DAP: variants seen among roughly 807,000 people sequenced by gnomAD.
DAP encodes death associated protein.
A neutral mutation model predicts 13.8 loss-of-function variants in DAP; 8 were observed. The ratio of observed to expected loss-of-function variants is 0.58; its 90% CI spans 0.34 to 1.05. The LOEUF is 1.05. DAP is among the 50% of genes least tolerant of loss of function. DAP has a pLI of 0.03. For missense variants in DAP, 106 were observed against 133.2 expected, an observed-to-expected ratio of 0.80 and a Z score of 1.01; for synonymous variants, 47 against 47.5, an observed-to-expected ratio of 0.99 and a Z score of 0.04.
chr5:10,732,901 T>A (rs1739500500), intron 2 of DAP, among the ~76,000 whole-genome samples: 1 of 152,214 alleles, frequency 6.6e-6, no homozygotes, highest in African/African-American at 2.4e-5. Context: ...GATCTCCAGA[T>A]CTTTGTCATC....
intron 2 of DAP, among the ~76,000 whole-genome samples, chr5:10,697,252 C>T (rs3797119): frequency 0.076 from 11,571 of 152,256 alleles, 645 homozygotes; most frequent in East Asian, 0.29. Context: ...GCCTGCTCAC[C>T]GTGCTTTATT....
chr5:10,756,462 G>A (rs1195359668), intron 1 of DAP, among the ~76,000 whole-genome samples: 1 of 152,246 alleles, frequency 6.6e-6, no homozygotes, highest in African/African-American at 2.4e-5. Flanking sequence ...CTTAACTCAT[G>A]TCTGACGTAT....
chr5:10,714,327 G>A (rs1738927630), intron 2 of DAP, among the ~76,000 whole-genome samples: 1 of 152,122 alleles, frequency 6.6e-6, no homozygotes, highest in Non-Finnish European at 1.5e-5. Context: ...TTCATCAATA[G>A]AAATCACAGA....
intron 2 of DAP, among the ~76,000 whole-genome samples, chr5:10,742,016 T>C (rs2930057): frequency 0.33 from 49,648 of 152,134 alleles, 9,029 homozygotes; most frequent in African/African-American, 0.49. Context: ...TATCGTGTTT[T>C]TCCTCAAACT....
intron 1 of DAP, among the ~76,000 whole-genome samples, chr5:10,752,890 A>G (rs891926480): frequency 8.5e-5 from 13 of 152,226 alleles, no homozygotes; most frequent in African/African-American, 2.9e-4. Flanking sequence ...AGCTAGTCTT[A>G]TTAAATGGGT....
chr5:10,748,192 C>T lies in DAP; in HGVS notation c.135G>A (p.Gln45=), dbSNP rs1466622427. 3 of 1,613,838 alleles carry T rather than the reference C, an allele frequency of 1.9e-6. No homozygotes were observed. ...CATCCCACCTGGGGCTTTCCCATTC[C>T]TGGTCATCCTTGTCTTTCTCTTCTT... ...DTKEEKDKDD[Q]EWESPSPPKP... Residue 45 remains glutamine (Q), a synonymous_variant, in exon 2 of 4, where the codon CAG becomes CAA. Transcript: ENST00000230895.
At chr5:10,749,233 A>C (rs1177671965) in intron 1 of DAP, among the ~76,000 whole-genome samples, 1 of 152,084 alleles carries the variant, frequency 6.6e-6, no homozygotes, top group Non-Finnish European at 1.5e-5. Context: ...CGTTGTTTCT[A>C]CTTTTTTGGC....
chr5:10,745,335 G>C (rs1739873176), intron 2 of DAP, among the ~76,000 whole-genome samples: 1 of 152,194 alleles, frequency 6.6e-6, no homozygotes, highest in Admixed American at 6.5e-5. Flanking sequence ...CCAAAGTCAA[G>C]AGGACAAGTG....
chr5:10,732,954 T>A (rs1199879197), intron 2 of DAP, among the ~76,000 whole-genome samples: 1 of 152,202 alleles, frequency 6.6e-6, no homozygotes, highest in Admixed American at 6.5e-5. Flanking sequence ...CTAATCCACA[T>A]TTCCCTTTCC....
intron 2 of DAP, among the ~76,000 whole-genome samples, chr5:10,718,564 A>G (rs894682426): frequency 6.6e-6 from 1 of 152,248 alleles, no homozygotes; most frequent in Admixed American, 6.5e-5. Context: ...GGTGACTCCC[A>G]TGACATCCCT....
At chr5:10,715,873 G>C (rs563874802) in intron 2 of DAP, among the ~76,000 whole-genome samples, 1 of 152,168 alleles carries the variant, frequency 6.6e-6, no homozygotes, top group African/African-American at 2.4e-5. Context: ...CTTGTCACAC[G>C]TAACAATTAA....
At chr5:10,736,582 C>T (rs1270790317) in intron 2 of DAP, among the ~76,000 whole-genome samples, 1 of 152,216 alleles carries the variant, frequency 6.6e-6, no homozygotes, top group Non-Finnish European at 1.5e-5. Context: ...TTTCTGCCGC[C>T]CAAGTTGCCA....
intron 2 of DAP, among the ~76,000 whole-genome samples, chr5:10,720,924 C>T (rs1357975049): frequency 1.3e-5 from 2 of 152,192 alleles, no homozygotes; most frequent in Non-Finnish European, 2.9e-5. Flanking sequence ...AATGCCTTAT[C>T]CACTGTCATG....
intron 1 of DAP, among the ~76,000 whole-genome samples, chr5:10,750,285 A>G (rs1158404111): frequency 6.6e-6 from 1 of 152,154 alleles, no homozygotes; most frequent in East Asian, 1.9e-4. Flanking sequence ...CCTGGGGCTT[A>G]CATGCTTCAG....
intron 2 of DAP, among the ~76,000 whole-genome samples, chr5:10,739,371 TA>T (rs56954614): frequency 0.32 from 48,391 of 151,400 alleles, 8,521 homozygotes; most frequent in African/African-American, 0.47. Flanking sequence ...CAAAAAGTTT[TA>T]AAAAATCACC....
chr5:10,693,289 TG>T (rs1306780609), intron 2 of DAP, among the ~76,000 whole-genome samples: 3 of 152,262 alleles, frequency 2.0e-5, no homozygotes, highest in Admixed American at 1.3e-4. Flanking sequence ...CCTGGGTTCA[TG>T]GAAGTCTACT....
At chr5:10,735,859 C>T (rs1211025006) in intron 2 of DAP, among the ~76,000 whole-genome samples, 1 of 152,194 alleles carries the variant, frequency 6.6e-6, no homozygotes, top group Non-Finnish European at 1.5e-5. Context: ...CAAGGTGCTG[C>T]TTGCTTGTTG....
chr5:10,705,639 A>G (rs1738680822), intron 2 of DAP, among the ~76,000 whole-genome samples: 1 of 152,216 alleles, frequency 6.6e-6, no homozygotes, highest in Non-Finnish European at 1.5e-5. Flanking sequence ...TTCATAGAGA[A>G]AGGAGAACTC....
At chr5:10,710,551 TG>T (rs757249590) in intron 2 of DAP, among the ~76,000 whole-genome samples, 87 of 152,154 alleles carry the variant, frequency 5.7e-4, no homozygotes, top group Non-Finnish European at 1.0e-3. Context: ...GCATCGGGCC[TG>T]GAAGTGTGGT....
Sources: gnomAD v4.1 joint callset for allele counts (sites outside exome capture counted in the v4.1 genomes callset) on GRCh38, gnomAD v4.1.1 for gene constraint, MANE v1.5 for transcripts, NCBI Gene and HGNC (gene_info 2026-07-23, HGNC 2026-07-21) for gene names.